The following PCDHA7 variants were observed in gnomAD, a reference collection of about 807,000 sequenced individuals.
PCDHA7 encodes the protein protocadherin alpha 7, also known as protocadherin alpha-7.
A neutral mutation model predicts 57.2 loss-of-function variants in PCDHA7; 37 were observed. That is an observed-to-expected ratio of 0.65 (90% CI 0.50 to 0.85). The LOEUF (loss-of-function observed/expected upper bound fraction) is 0.85. Among genes scored for constraint, PCDHA7 ranks in the 40% least tolerant of loss-of-function variants. The probability of loss-of-function intolerance (pLI) is 0.00; values close to 1 mark genes in which losing one functional copy is unlikely to be tolerated. For missense variants in PCDHA7, 1,188 were observed against 1,241.8 expected (o/e 0.96, Z 0.65); for synonymous variants, 553 against 558.8 (o/e 0.99, Z 0.15).
At chr5:140,943,200 G>A (rs2093432800) in intron 1 of PCDHA7, among the ~76,000 whole-genome samples, 1 of 140,910 alleles carries the variant, frequency 7.1e-6, no homozygotes, top group Non-Finnish European at 1.5e-5. Context: ...GGAGGCTGCA[G>A]TAAGCCAAGA....
intron 1 of PCDHA7, chr5:140,869,568 G>C (rs1554163237): frequency 6.2e-7 from 1 of 1,614,168 alleles, no homozygotes; most frequent in East Asian, 2.2e-5. Context: ...TTCCACTAGA[G>C]GGAGCTTCTG....
intron 1 of PCDHA7, among the ~76,000 whole-genome samples, chr5:140,953,819 G>A (rs782420849): frequency 1.3e-5 from 2 of 151,904 alleles, no homozygotes; most frequent in Non-Finnish European, 1.5e-5. Context: ...GCATGTGCTA[G>A]TTGTGCAGGT....
At chr5:140,962,854 G>A (rs1396651838) in intron 1 of PCDHA7, among the ~76,000 whole-genome samples, 7 of 152,054 alleles carry the variant, frequency 4.6e-5, no homozygotes, top group African/African-American at 9.7e-5. Flanking sequence ...ACTTGTGCTC[G>A]GTTTGTAGAG....
At chr5:140,966,543 A>T (rs200134570) in intron 1 of PCDHA7, 4 of 461,074 alleles carry the variant, frequency 8.7e-6, no homozygotes, top group Non-Finnish European at 1.5e-5. Context: ...AGCGACTCGG[A>T]GGCGAGCGGA....
At chr5:140,905,202 T>C (rs1554191944) in intron 1 of PCDHA7, among the ~76,000 whole-genome samples, 1 of 152,196 alleles carries the variant, frequency 6.6e-6, no homozygotes, top group Non-Finnish European at 1.5e-5. Flanking sequence ...CCATCTTGAG[T>C]TGATTTTTGT....
intron 1 of PCDHA7, chr5:140,869,367 T>G (rs2051076893): frequency 6.2e-7 from 1 of 1,614,002 alleles, no homozygotes; most frequent in South Asian, 1.1e-5. Context: ...TTGTGAATTC[T>G]CGGATCGACC....
intron 3 of PCDHA7, among the ~76,000 whole-genome samples, chr5:141,002,328 C>T (rs1421788305): frequency 3.3e-5 from 5 of 152,250 alleles, no homozygotes; most frequent in Admixed American, 6.5e-5. Flanking sequence ...GGCCGGGCTG[C>T]ATCCGCACCC....
At chr5:140,929,721 ATTTACT>A (rs1474734727) in intron 1 of PCDHA7, 3 of 222,378 alleles carry the variant, frequency 1.3e-5, no homozygotes, top group African/African-American at 4.6e-5. Flanking sequence ...AAGGTGAAAC[ATTTACT>A]TAAACTATTG....
In PCDHA7 at chr5:140,870,728, C is replaced by A. The variant is rs531202250; in HGVS notation, c.2355+33990C>A. On this transcript the variant is annotated intron_variant, in intron 1 of 3. Coordinates refer to ENST00000525929, the MANE Select transcript of PCDHA7 (RefSeq NM_018910.3). ...GTGAGCGCGCGCGATGCGGGCGTGCCGCCTCTGAGCAGCAACGTGACGCTG... is the reference window on the plus strand; with the variant it reads ...GTGAGCGCGCGCGATGCGGGCGTGCAGCCTCTGAGCAGCAACGTGACGCTG... The A allele has an allele frequency of 5.8e-5, 93 of 1,613,338 alleles. No individual in the cohort carries two copies. Among genetic ancestry groups the A allele is most frequent in the East Asian group, 1.1e-4 (5 of 44,876 alleles).
At position 140,993,462 on chromosome 5, in the gene PCDHA7, T is replaced by TCACACACACA. The variant is rs3836747; in HGVS notation, c.2503+10937_2503+10946dup. On this transcript the variant is annotated intron_variant, in intron 3 of 3. Coordinates refer to ENST00000525929, the MANE Select transcript of PCDHA7 (RefSeq NM_018910.3). Reference sequence around the variant, plus strand: ...CATTCCTGTTCTCCTTCTTTCTTTCTCACACACACACACACACACACACAC... The same window carrying TCACACACACA: ...CATTCCTGTTCTCCTTCTTTCTTTCTCACACACACACACACACACACACACACACACACAC... Among the ~76,000 whole-genome samples, 267 of 141,038 alleles carry TCACACACACA rather than the reference T, an allele frequency of 1.9e-3. 2 individuals are homozygous for TCACACACACA. The highest frequency in any genetic ancestry group is 2.7e-3 in the Non-Finnish European group (175 of 64,694). The allele number at this position is 141,038 out of a possible 152,430, so 92.5% of individuals were successfully genotyped here.
chr5:140,871,066 G>A (rs1554165067), intron 1 of PCDHA7: 4 of 1,613,276 alleles, frequency 2.5e-6, no homozygotes, highest in South Asian at 2.2e-5. Flanking sequence ...GGATCACGGT[G>A]AGCCGGCGCT....
intron 1 of PCDHA7, chr5:140,856,123 G>A (rs782708607): frequency 6.3e-7 from 1 of 1,598,078 alleles, no homozygotes; most frequent in African/African-American, 1.3e-5. Flanking sequence ...CCTGGGAGGT[G>A]GGGAGCGGCC....
At chr5:140,876,963 G>T in intron 1 of PCDHA7, 4 of 1,613,068 alleles carry the variant, frequency 2.5e-6, no homozygotes, top group Non-Finnish European at 2.5e-6. Context: ...TGGTGGAGCG[G>T]CGGGTGGGCG....
intron 1 of PCDHA7, chr5:140,863,555 T>A (rs2153224638): frequency 2.6e-6 from 1 of 378,382 alleles, no homozygotes; most frequent in East Asian, 6.5e-5. Flanking sequence ...CAATAGGAAA[T>A]TTTTGAGAAT....
At chr5:140,963,611 A>C (rs955529183) in intron 1 of PCDHA7, among the ~76,000 whole-genome samples, 1 of 152,208 alleles carries the variant, frequency 6.6e-6, no homozygotes, top group Admixed American at 6.5e-5. Context: ...TAATTGGGAA[A>C]GCTTAACTTT....
intron 1 of PCDHA7, among the ~76,000 whole-genome samples, chr5:140,942,396 A>G (rs1172739397): frequency 6.6e-6 from 1 of 151,922 alleles, no homozygotes; most frequent in Admixed American, 6.6e-5. Flanking sequence ...TGGGCGACAG[A>G]TGAGACTCTG....
intron 1 of PCDHA7, chr5:140,968,785 T>G: frequency 6.2e-7 from 1 of 1,614,226 alleles, no homozygotes; most frequent in Non-Finnish European, 8.5e-7. Flanking sequence ...TATCAGCCTC[T>G]GTGGCCATTA....
intron 1 of PCDHA7, chr5:140,968,445 G>C (rs782157846): frequency 1.2e-6 from 2 of 1,613,954 alleles, no homozygotes; most frequent in African/African-American, 2.7e-5. Context: ...CCACCACTGA[G>C]CAGCACTGTG....
intron 1 of PCDHA7, among the ~76,000 whole-genome samples, chr5:140,949,007 A>T (rs1300926078): frequency 6.6e-6 from 1 of 151,692 alleles, no homozygotes; most frequent in Non-Finnish European, 1.5e-5. Flanking sequence ...TAATTTTTAT[A>T]TGTGATGTTT....
Sources: gnomAD v4.1 joint callset for allele counts (sites outside exome capture counted in the v4.1 genomes callset) on GRCh38, gnomAD v4.1.1 for gene constraint, MANE v1.5 for transcripts, NCBI Gene and HGNC (gene_info 2026-07-23, HGNC 2026-07-21) for gene names.